LMLN: variants seen among roughly 807,000 people sequenced by gnomAD.
The protein encoded by LMLN is leishmanolysin like peptidase, also known as leishmanolysin-like peptidase.
A neutral mutation model predicts 92.3 loss-of-function variants in LMLN; 70 were observed. That is an observed-to-expected ratio of 0.76 (90% CI 0.63 to 0.92). The LOEUF (loss-of-function observed/expected upper bound fraction) is 0.92, where lower values mean the gene tolerates loss of function less well. Ranked by LOEUF, LMLN falls within the 40% of genes least tolerant of loss-of-function variation. The pLI, the probability that LMLN is intolerant of heterozygous loss-of-function variation, is 0.00. For missense variants in LMLN, 691 were observed against 814.6 expected (o/e 0.85, Z 1.85); for synonymous variants, 308 against 296.2 (o/e 1.04, Z -0.41).
At chr3:197,974,868 C>T (rs1213210108) in intron 2 of LMLN, among the ~76,000 whole-genome samples, 174 bp from the exon 3 acceptor site, 1 of 152,160 alleles carries the variant, frequency 6.6e-6, no homozygotes, top group Non-Finnish European at 1.5e-5. Flanking sequence ...GAAGCAAATC[C>T]ATAGAGTAAA....
intron 9 of LMLN, among the ~76,000 whole-genome samples, chr3:197,995,511 A>G (rs753334387): frequency 1.3e-5 from 2 of 152,192 alleles, no homozygotes; most frequent in Admixed American, 6.5e-5. Flanking sequence ...ATGTTTTCAC[A>G]TTTCACATGT....
exon 6 of LMLN, chr3:197,980,358 T>C: frequency 6.2e-7 from 1 of 1,614,116 alleles, no homozygotes; most frequent in Non-Finnish European, 8.5e-7. Flanking sequence ...GTAAGTGGCC[T>C]CATGGAGCAG....
intron 9 of LMLN, chr3:197,994,723 AGAAAC>A (rs1367332579): frequency 6.6e-6 from 1 of 152,174 alleles, no homozygotes; most frequent in Non-Finnish European, 1.5e-5. Flanking sequence ...AGAAAAGAAA[AGAAAC>A]AAAAGATAAG....
intron 15 of LMLN, among the ~76,000 whole-genome samples, chr3:198,036,248 G>A (rs936073333): frequency 2.6e-5 from 4 of 152,050 alleles, no homozygotes; most frequent in African/African-American, 4.8e-5. Context: ...TAAGAGCAAG[G>A]GTGAGGAACC....
At chr3:198,020,766 G>GTTTTTTTTTTTTTTT (rs1260852398) in intron 12 of LMLN, among the ~76,000 whole-genome samples, 1 of 25,644 alleles carries the variant, frequency 3.9e-5, no homozygotes, top group African/African-American at 1.8e-4. Flanking sequence ...GCTAATTTTT[G>GTTTTTTTTTTTTTTT]TATTTTTTTT....
At chr3:197,962,823 G>C (rs931959769) in intron 1 of LMLN, among the ~76,000 whole-genome samples, 2 of 146,104 alleles carry the variant, frequency 1.4e-5, no homozygotes, top group Non-Finnish European at 3.0e-5. Context: ...ATGTACCTCT[G>C]TAATAAATAT....
chr3:198,024,852 G>A, intron 14 of LMLN, 64 bp downstream of exon 15: 2 of 1,313,428 alleles, frequency 1.5e-6, no homozygotes, highest in Non-Finnish European at 1.0e-6. Flanking sequence ...TTATGGTTTT[G>A]TATTTTAAAT....
At chr3:198,011,896 G>A (rs1342945285) in intron 11 of LMLN, among the ~76,000 whole-genome samples, 1 of 152,152 alleles carries the variant, frequency 6.6e-6, no homozygotes, top group East Asian at 1.9e-4. Flanking sequence ...AAACTAAAGA[G>A]CTTCTGCACA....
chr3:197,989,822 G>C (rs776373600), intron 8 of LMLN, among the ~76,000 whole-genome samples: 2 of 152,050 alleles, frequency 1.3e-5, no homozygotes, highest in Non-Finnish European at 2.9e-5. Context: ...AGGAATTCGA[G>C]GCCAGTTTTG....
intron 1 of LMLN, among the ~76,000 whole-genome samples, chr3:197,962,328 G>T (rs1013356694): frequency 2.0e-5 from 3 of 152,136 alleles, no homozygotes; most frequent in Admixed American, 2.0e-4. Flanking sequence ...TTGAATTGCT[G>T]AGTATTCCAT....
chr3:198,035,798 T>C, intron 14 of LMLN, 35 bp from the exon 16 acceptor site: 1 of 1,458,634 alleles, frequency 6.9e-7, no homozygotes, highest in Non-Finnish European at 9.6e-7. Context: ...CTGATATTTA[T>C]TATTTTTATA....
intron 11 of LMLN, among the ~76,000 whole-genome samples, chr3:198,013,993 C>G (rs1428170539): frequency 7.1e-6 from 1 of 141,484 alleles, no homozygotes. Context: ...CCTTTAGAGC[C>G]CCCTAACTAG....
chr3:197,978,144 A>AT (rs11449351), intron 5 of LMLN, among the ~76,000 whole-genome samples: 9,202 of 150,976 alleles, frequency 0.061, 352 homozygotes, highest in African/African-American at 0.092. Flanking sequence ...ATCTGGAAGT[A>AT]TACACACGTT....
intron 8 of LMLN, among the ~76,000 whole-genome samples, chr3:197,987,161 T>A (rs1721733799): frequency 6.9e-6 from 1 of 144,722 alleles, no homozygotes; most frequent in Non-Finnish European, 1.5e-5. Flanking sequence ...TGTTTGAATT[T>A]TTTTTTTTTT....
intron 11 of LMLN, among the ~76,000 whole-genome samples, chr3:198,010,995 A>T (rs1581166123): frequency 6.6e-6 from 1 of 151,720 alleles, no homozygotes; most frequent in South Asian, 2.1e-4. Flanking sequence ...ATATTTGGAA[A>T]TTTTTCTGTT....
At chr3:197,996,995 T>TTTTTTC (rs1722039358) in intron 10 of LMLN, among the ~76,000 whole-genome samples, 1 of 150,866 alleles carries the variant, frequency 6.6e-6, no homozygotes, top group African/African-American at 2.5e-5. Flanking sequence ...TCTTTTGTTT[T>TTTTTTC]TTTTCTTTTC....
intron 14 of LMLN, among the ~76,000 whole-genome samples, chr3:198,028,617 C>G (rs958544278): frequency 6.6e-6 from 1 of 152,158 alleles, no homozygotes; most frequent in Non-Finnish European, 1.5e-5. Context: ...CTTATCATAT[C>G]ACCTTTTGTG....
intron 15 of LMLN, among the ~76,000 whole-genome samples, chr3:198,038,080 C>G (rs1723283810): frequency 6.6e-6 from 1 of 152,112 alleles, no homozygotes; most frequent in African/African-American, 2.4e-5. Context: ...TGCCTCCTCA[C>G]AGTCCGTCTG....
chr3:197,995,821 CT>C (rs1722002431), intron 9 of LMLN, among the ~76,000 whole-genome samples: 1 of 151,092 alleles, frequency 6.6e-6, no homozygotes, highest in Non-Finnish European at 1.5e-5. Context: ...TAACATCACT[CT>C]GTACTCCATA....
Sources: allele counts gnomAD v4.1 joint callset (sites outside exome capture counted in the v4.1 genomes callset), GRCh38; gene constraint gnomAD v4.1.1; transcripts MANE v1.5; gene names NCBI Gene and HGNC (gene_info 2026-07-23, HGNC 2026-07-21).